GLS: variants seen among roughly 807,000 people sequenced by gnomAD.
The protein encoded by GLS is glutaminase kidney isoform, mitochondrial.
Under a neutral mutation model 86.7 loss-of-function variants are expected in GLS, and 36 were observed. That is an observed-to-expected ratio of 0.42 (90% CI 0.32 to 0.55). GLS has a LOEUF of 0.55. Ranked by LOEUF, GLS falls within the 20% of genes least tolerant of loss-of-function variation. GLS has a pLI of 0.17. For missense variants in GLS, 528 were observed against 833.4 expected (o/e 0.63, Z 4.51); for synonymous variants, 317 against 305.9 (o/e 1.04, Z -0.38).
At chr2:190,882,999 G>C (rs1351365166) in intron 1 of GLS, among the ~76,000 whole-genome samples, 3 of 152,146 alleles carry the variant, frequency 2.0e-5, no homozygotes, top group African/African-American at 4.8e-5. Flanking sequence ...AGTCACAACC[G>C]TTTAAAAGTT....
chr2:190,892,852 T>C (rs1318800065), intron 1 of GLS, among the ~76,000 whole-genome samples: 1 of 152,216 alleles, frequency 6.6e-6, no homozygotes, highest in Non-Finnish European at 1.5e-5. Context: ...AAAAATTAAT[T>C]TCTTGTTTAA....
chr2:190,954,960 ACTAGATAGGTAATT>A lies in GLS; in HGVS notation c.1853+145_1853+158del. 1.6e-6 allele frequency: 1 copy of A among 611,846 alleles called. No homozygotes were observed. The highest frequency in any genetic ancestry group is 2.9e-6 in the Non-Finnish European group (1 of 350,806). 37.9% of individuals were successfully genotyped at this position (611,846 alleles called of 1,614,324 possible). On this transcript the variant is annotated intron_variant, in intron 17 of 17. Coordinates refer to ENST00000320717, the MANE Select transcript of GLS (RefSeq NM_014905.5). This position sits in a 1 kb window ranked among gnomAD's most constrained non-coding sequence, Gnocchi z 4.0. The stretch of plus-strand genomic sequence containing the variant: ...TATAAAGGCAATAAACCTTGTTTCT[ACTAGATAGGTAATT>A]CTGTCTCCCATATCCTGTTTCTTAT...
rs192430352 is a variant in GLS, at chr2:190,914,141, A to G, written c.1038+3820A>G. 5.3e-5 allele frequency among the ~76,000 whole-genome samples: 8 copies of G among 152,102 alleles called. No homozygotes were observed. Among genetic ancestry groups the G allele is most frequent in the East Asian group, 1.9e-4 (1 of 5,180 alleles). On this transcript the variant is annotated intron_variant, in intron 7 of 17. Coordinates refer to ENST00000320717, the MANE Select transcript of GLS (RefSeq NM_014905.5). The surrounding 1 kb of genome is among the most constrained non-coding windows in gnomAD (Gnocchi z 4.4). ...AGTTTTTGTCATTTAAAGAAGTTCA[A>G]TTTTCTTTTTAATCAAAAGTATTTT... is the stretch of plus-strand genomic sequence containing the variant.
chr2:190,937,540 T>A (rs1690306918), intron 14 of GLS, among the ~76,000 whole-genome samples: 1 of 151,420 alleles, frequency 6.6e-6, no homozygotes, highest in Non-Finnish European at 1.5e-5. Flanking sequence ...TGATTATAAA[T>A]GCTTATTTAA....
chr2:190,891,669 C>G (rs1559316142), intron 1 of GLS, among the ~76,000 whole-genome samples: 2 of 152,000 alleles, frequency 1.3e-5, no homozygotes, highest in Non-Finnish European at 2.9e-5. Flanking sequence ...GACAGTTCCT[C>G]TTTTCATGTT....
intron 5 of GLS, among the ~76,000 whole-genome samples, chr2:190,902,988 CTAG>C (rs1390957295): frequency 6.6e-6 from 1 of 152,082 alleles, no homozygotes; most frequent in African/African-American, 2.4e-5. Context: ...GCCGTTTAAC[CTAG>C]TAATTTTAGA....
intron 6 of GLS, among the ~76,000 whole-genome samples, chr2:190,909,971 A>G (rs1290587582): frequency 1.3e-5 from 2 of 152,072 alleles, no homozygotes; most frequent in Admixed American, 1.3e-4. Context: ...CTGGGAGGTC[A>G]AGGCTTCAGT....
At chr2:190,881,776 C>T (rs1232523454) in intron 1 of GLS, 4 of 279,010 alleles carry the variant, frequency 1.4e-5, no homozygotes, top group Non-Finnish European at 2.7e-5. Flanking sequence ...GGCCGCTCCC[C>T]TGCCCGCGCT....
At chr2:190,952,115 C>G (rs563369106) in intron 14 of GLS, among the ~76,000 whole-genome samples, 1 of 152,274 alleles carries the variant, frequency 6.6e-6, no homozygotes, top group East Asian at 1.9e-4. Context: ...AGTAGGACAA[C>G]AAGAAATGGG....
chr2:190,907,341 T>G (rs1162444828), intron 6 of GLS, among the ~76,000 whole-genome samples: 1 of 149,696 alleles, frequency 6.7e-6, no homozygotes, highest in African/African-American at 2.4e-5. Flanking sequence ...CACCGCAACC[T>G]CCGCCTCCCG....
At chr2:190,961,588 A>G (rs1691001493) in intron 17 of GLS, among the ~76,000 whole-genome samples, 1 of 152,196 alleles carries the variant, frequency 6.6e-6, no homozygotes, top group Non-Finnish European at 1.5e-5. Context: ...TTTTCCAGAA[A>G]GACAGATAAT....
chr2:190,942,948 C>G (rs983345333), intron 14 of GLS, among the ~76,000 whole-genome samples: 2 of 152,152 alleles, frequency 1.3e-5, no homozygotes, highest in African/African-American at 4.8e-5. Context: ...GTGGCTGTTT[C>G]ATCTTTAGCC....
rs763241079 is a variant in GLS at position 190,881,158 on chromosome 2, T to A, written c.74T>A (p.Leu25Gln). The A allele has an allele frequency of 1.3e-6, 2 of 1,546,144 alleles. No homozygotes were observed. The highest frequency in any genetic ancestry group is 1.7e-6 in the Non-Finnish European group (2 of 1,154,136). ...TCGCCCGCCGGCGTGAGCGCGACTCTGCGGCGGGCACAGCCCTTGGTCACC... is the reference window on the plus strand; with the variant it reads ...TCGCCCGCCGGCGTGAGCGCGACTCAGCGGCGGGCACAGCCCTTGGTCACC... Reference protein sequence around the residue: ...LRSPAGVSATLRRAQPLVTLC... With the variant: ...LRSPAGVSATQRRAQPLVTLC... Residue 25 changes from leucine (L) to glutamine (Q), a missense_variant, in exon 1 of 18, where the codon CTG becomes CAG. Leu to Gln is a moderately radical substitution (Grantham distance 113, BLOSUM62 -2). Around this residue, in one of 4 missense-constraint regions of GLS, gnomAD observed 224 missense variants for 187.9 expected, o/e 1.19. Transcript: ENST00000320717.
intron 9 of GLS, among the ~76,000 whole-genome samples, chr2:190,922,883 C>T (rs1689786963): frequency 6.6e-6 from 1 of 152,090 alleles, no homozygotes; most frequent in African/African-American, 2.4e-5. Flanking sequence ...TAAATCAAAA[C>T]TCATTCTCTT....
chr2:190,909,526 C>T (rs1437627669), intron 6 of GLS, among the ~76,000 whole-genome samples: 2 of 151,982 alleles, frequency 1.3e-5, no homozygotes, highest in African/African-American at 2.4e-5. Flanking sequence ...TGTTGAGGTT[C>T]GCTTGTAAAT....
chr2:190,887,524 ATTTAT>A (rs1322911347), intron 1 of GLS, among the ~76,000 whole-genome samples: 1 of 152,124 alleles, frequency 6.6e-6, no homozygotes, highest in East Asian at 1.9e-4. Flanking sequence ...ATTTTTGCCT[ATTTAT>A]TTCTGGTACA....
chr2:190,940,486 C>T (rs1176009477), intron 14 of GLS, among the ~76,000 whole-genome samples: 1 of 152,022 alleles, frequency 6.6e-6, no homozygotes, highest in African/African-American at 2.4e-5. Context: ...AAAAAAATAA[C>T]TTCCACCTAT....
chr2:190,923,238 T>C (rs1006514291), intron 9 of GLS, among the ~76,000 whole-genome samples: 8 of 152,208 alleles, frequency 5.3e-5, no homozygotes, highest in Non-Finnish European at 1.2e-4. Context: ...AGGCTTTTGT[T>C]TTGTGGGTAG....
In GLS at chr2:190,956,888, T is replaced by C. The variant is rs949233077; in HGVS notation, c.1853+2070T>C. On this transcript the variant is annotated intron_variant, in intron 17 of 17. Coordinates refer to ENST00000320717, the MANE Select transcript of GLS (RefSeq NM_014905.5). The surrounding 1 kb of genome is among the most constrained non-coding windows in gnomAD (Gnocchi z 4.2). ...GCAGTTGTGAATGGGAGTTCACTCATGATTTGGCTCTCTCTTTGTCTATTA... is the reference window on the plus strand; with the variant it reads ...GCAGTTGTGAATGGGAGTTCACTCACGATTTGGCTCTCTCTTTGTCTATTA... 2.6e-5 allele frequency among the ~76,000 whole-genome samples: 4 copies of C among 152,198 alleles called. No homozygotes were observed. Among genetic ancestry groups the C allele is most frequent in the African/African-American group, 9.7e-5 (4 of 41,450 alleles).
Sources: allele counts gnomAD v4.1 joint callset (sites outside exome capture counted in the v4.1 genomes callset), GRCh38; gene constraint gnomAD v4.1.1; regional missense constraint gnomAD v4.1.1; non-coding constraint Gnocchi (gnomAD v3.1); transcripts MANE v1.5; gene names NCBI Gene and HGNC (gene_info 2026-07-23, HGNC 2026-07-21).